Variants in ADAMTS17 observed in about 807,000 individuals in gnomAD.
ADAMTS17 encodes the protein ADAM metallopeptidase with thrombospondin type 1 motif 17.
ADAMTS17 carries 113 observed loss-of-function variants against 141.5 expected under a neutral mutation model. That is an observed-to-expected ratio of 0.80 (90% CI 0.69 to 0.93). The LOEUF is 0.93. Among genes scored for constraint, ADAMTS17 ranks in the 40% least tolerant of loss-of-function variants. The probability of loss-of-function intolerance (pLI) is 0.00; values close to 1 mark genes in which losing one functional copy is unlikely to be tolerated. For missense variants in ADAMTS17, 1,659 were observed against 1,517.9 expected, an observed-to-expected ratio of 1.09 and a Z score of -1.54; for synonymous variants, 768 against 630.6, an observed-to-expected ratio of 1.22 and a Z score of -3.27.
At chr15:100,134,919 C>G (rs144936537) in intron 10 of ADAMTS17, among the ~76,000 whole-genome samples, 4 of 152,338 alleles carry the variant, frequency 2.6e-5, no homozygotes, top group Non-Finnish European at 5.9e-5. Context: ...TGCAGCACAG[C>G]TGGTCCTATA....
At chr15:100,230,554 C>T (rs996344998) in intron 7 of ADAMTS17, among the ~76,000 whole-genome samples, 2 of 152,090 alleles carry the variant, frequency 1.3e-5, no homozygotes, top group Admixed American at 6.5e-5. Flanking sequence ...GCATCATAGC[C>T]GAAAAGTTCC....
At chr15:100,165,271 G>A (rs77349268) in intron 8 of ADAMTS17, among the ~76,000 whole-genome samples, 2,942 of 152,260 alleles carry the variant, frequency 0.019, 131 homozygotes, top group East Asian at 0.17. Flanking sequence ...AGCTCTCAGA[G>A]CACAGCTGGA....
In ADAMTS17 at chr15:100,149,220, T is replaced by G. The variant is rs531484127; in HGVS notation, c.1473+3392A>C. Among the ~76,000 whole-genome samples, 5 of 152,392 alleles carry G rather than the reference T, an allele frequency of 3.3e-5. No homozygotes were observed. In the South Asian group the frequency reaches 1.0e-3, roughly 32 times the overall value. ...GGCACTGTCTTCACCTGGATTTGAC[T>G]GATACATGTCCCAGGCCTAGGGCAG... On this transcript the variant is annotated intron_variant, in intron 10 of 21. Transcript: ENST00000268070.
chr15:100,013,298 G>A (rs529130192), intron 18 of ADAMTS17, among the ~76,000 whole-genome samples: 1 of 152,266 alleles, frequency 6.6e-6, no homozygotes, highest in South Asian at 2.1e-4. Context: ...AGTCTTTAGG[G>A]TTTTCTAGGT....
At chr15:100,269,896 C>T (rs1406275356) in intron 4 of ADAMTS17, among the ~76,000 whole-genome samples, 1 of 152,212 alleles carries the variant, frequency 6.6e-6, no homozygotes, top group African/African-American at 2.4e-5. Flanking sequence ...GATTCCTTTT[C>T]TACTTCAGCC....
intron 3 of ADAMTS17, among the ~76,000 whole-genome samples, chr15:100,314,082 A>AACGTCAGAC (rs1386952478): frequency 1.3e-5 from 2 of 152,236 alleles, no homozygotes; most frequent in Non-Finnish European, 2.9e-5. Context: ...ACCATGAAGA[A>AACGTCAGAC]ACGTCAGACA....
At chr15:99,977,380 AT>A (rs2060372882) in intron 20 of ADAMTS17, among the ~76,000 whole-genome samples, 2 of 24,884 alleles carry the variant, frequency 8.0e-5, no homozygotes, top group African/African-American at 4.6e-4. Context: ...ATATATATAT[AT>A]ATATATATAT....
chr15:100,051,204 G>C (rs370342553), intron 17 of ADAMTS17, among the ~76,000 whole-genome samples: 1 of 152,106 alleles, frequency 6.6e-6, no homozygotes, highest in Non-Finnish European at 1.5e-5. Context: ...ATTTGGGAGC[G>C]GGCAGAGACA....
intron 15 of ADAMTS17, among the ~76,000 whole-genome samples, chr15:100,076,320 G>C (rs1207734280): frequency 6.6e-6 from 1 of 152,172 alleles, no homozygotes; most frequent in Non-Finnish European, 1.5e-5. Context: ...TGGGGTTACA[G>C]GCGTGAGCCA....
chr15:100,210,175 G>A (rs948987024), intron 7 of ADAMTS17, among the ~76,000 whole-genome samples: 3 of 138,974 alleles, frequency 2.2e-5, no homozygotes, highest in African/African-American at 2.7e-5. Context: ...AGCTTGCAGT[G>A]AGCCGAGATC....
At chr15:99,984,530 G>A (rs1219532146) in intron 20 of ADAMTS17, among the ~76,000 whole-genome samples, 1 of 152,192 alleles carries the variant, frequency 6.6e-6, no homozygotes, top group Non-Finnish European at 1.5e-5. Context: ...TGCCCCAGAT[G>A]GTGATTGTGA....
At chr15:100,246,776 T>A (rs1039780084) in intron 7 of ADAMTS17, among the ~76,000 whole-genome samples, 4 of 152,216 alleles carry the variant, frequency 2.6e-5, no homozygotes, top group African/African-American at 4.8e-5. Context: ...AATTTTGCAT[T>A]TTGCTACAGG....
chr15:100,108,399 C>T (rs2036538681), intron 14 of ADAMTS17, among the ~76,000 whole-genome samples: 1 of 152,196 alleles, frequency 6.6e-6, no homozygotes, highest in African/African-American at 2.4e-5. Flanking sequence ...TGGTCTTGAA[C>T]TCCTGGTCTT....
intron 7 of ADAMTS17, among the ~76,000 whole-genome samples, chr15:100,240,138 C>T (rs932375085): frequency 3.3e-5 from 5 of 152,210 alleles, no homozygotes; most frequent in Admixed American, 1.3e-4. Context: ...TCAGGAGGGG[C>T]CCTGGGCCCC....
chr15:100,154,309 C>T (rs2039328775), intron 9 of ADAMTS17, among the ~76,000 whole-genome samples: 1 of 152,196 alleles, frequency 6.6e-6, no homozygotes, highest in Non-Finnish European at 1.5e-5. Flanking sequence ...AAGTAGACTA[C>T]ATTAAAAGTA....
intron 2 of ADAMTS17, among the ~76,000 whole-genome samples, chr15:100,339,859 CGCA>C (rs2046313029): frequency 1.3e-5 from 2 of 152,174 alleles, no homozygotes; most frequent in Non-Finnish European, 2.9e-5. Context: ...CAGAGATACC[CGCA>C]GGACTGGGAA....
intron 2 of ADAMTS17, among the ~76,000 whole-genome samples, chr15:100,337,737 C>T (rs2046249774): frequency 6.6e-6 from 1 of 152,210 alleles, no homozygotes; most frequent in African/African-American, 2.4e-5. Flanking sequence ...GCCTCCAGCC[C>T]TCCCCTCCTC....
intron 13 of ADAMTS17, among the ~76,000 whole-genome samples, chr15:100,112,104 A>G (rs911131932): frequency 6.6e-6 from 1 of 152,234 alleles, no homozygotes; most frequent in African/African-American, 2.4e-5. Flanking sequence ...GTTTTGAGGC[A>G]AGTTAGAAAG....
chr15:100,224,207 T>G (rs2042229261), intron 7 of ADAMTS17, among the ~76,000 whole-genome samples: 1 of 152,138 alleles, frequency 6.6e-6, no homozygotes, highest in Non-Finnish European at 1.5e-5. Context: ...CACTCGGTAT[T>G]AACCATCATG....
Sources: allele counts gnomAD v4.1 joint callset (sites outside exome capture counted in the v4.1 genomes callset), GRCh38; gene constraint gnomAD v4.1.1; transcripts MANE v1.5; gene names NCBI Gene and HGNC (gene_info 2026-07-23, HGNC 2026-07-21).